STX5: variants seen among roughly 807,000 people sequenced by gnomAD.
STX5 encodes syntaxin 5, also known as syntaxin-5.
A neutral mutation model predicts 42.9 loss-of-function variants in STX5; 15 were observed. That is an observed-to-expected ratio of 0.35 (90% CI 0.23 to 0.54). The LOEUF (loss-of-function observed/expected upper bound fraction) is 0.54, where lower values mean the gene tolerates loss of function less well. Ranked by LOEUF, STX5 falls within the 20% of genes least tolerant of loss-of-function variation. STX5 has a pLI of 0.91. For synonymous variants in STX5, 184 were observed against 173.2 expected (o/e 1.06, Z -0.49); for missense variants, 430 against 455.0 (o/e 0.95, Z 0.50).
chr11:62,808,388 C>T (rs947353661), intron 10 of STX5, among the ~76,000 whole-genome samples: 17 of 150,980 alleles, frequency 1.1e-4, no homozygotes, highest in Non-Finnish European at 2.1e-4. Flanking sequence ...TGAGATTGTG[C>T]CACTGCACTC....
At chr11:62,819,187 C>T (rs1590968747) in intron 10 of STX5, among the ~76,000 whole-genome samples, 1 of 128,156 alleles carries the variant, frequency 7.8e-6, no homozygotes, top group African/African-American at 3.1e-5. Flanking sequence ...TGCCACTGTA[C>T]TCCAGCCTGG....
At chr11:62,818,199 C>A (rs1018043875) in intron 10 of STX5, among the ~76,000 whole-genome samples, 1 of 146,910 alleles carries the variant, frequency 6.8e-6, no homozygotes, top group Non-Finnish European at 1.5e-5. Context: ...GAGCCAAGAT[C>A]GCACCACTGC....
chr11:62,809,696 AAAAAAAAAAG>A, intron 10 of STX5, among the ~76,000 whole-genome samples: 1 of 149,188 alleles, frequency 6.7e-6, no homozygotes, highest in African/African-American at 2.5e-5. Flanking sequence ...AAAAAAAAAA[AAAAAAAAAAG>A]ACATTATGGC....
chr11:62,831,673 G>A (rs1265229148), intron 1 of STX5, among the ~76,000 whole-genome samples: 7 of 152,134 alleles, frequency 4.6e-5, no homozygotes, highest in Admixed American at 1.3e-4. Context: ...TTCGGTGGGC[G>A]GAGGGGGAAA....
intron 5 of STX5, 52 bp from the exon 6 acceptor site, chr11:62,825,591 C>A: frequency 6.6e-7 from 1 of 1,512,364 alleles, no homozygotes; most frequent in South Asian, 1.1e-5. Context: ...AGTCCTTAGT[C>A]AGCATCTCTC....
chr11:62,827,422 T>C (rs1411451517), intron 3 of STX5, 24 bp from the exon 4 acceptor site: 1 of 1,614,184 alleles, frequency 6.2e-7, no homozygotes. Context: ...CTAGTCAGAC[T>C]GTGGGAAAGG....
At position 62,831,986 on chromosome 11, in the gene STX5, C is replaced by G. The variant is rs1405872020; in HGVS notation, c.-52G>C. On this transcript the variant is annotated 5_prime_UTR_variant, in exon 1 of 11. Coordinates refer to ENST00000294179, the MANE Select transcript of STX5 (RefSeq NM_003164.5). The stretch of plus-strand genomic sequence containing the variant: ...CTGCCGCCTGCCGCCGCCGCCACTT[C>G]CAATCTCACCGGCCGTCACTGCCTC... 1 of 465,654 alleles carries G rather than the reference C, an allele frequency of 2.1e-6. No homozygotes were observed. Among genetic ancestry groups the G allele is most frequent in the Admixed American group, 2.3e-5 (1 of 42,788 alleles). 28.8% of individuals were successfully genotyped at this position (465,654 alleles called of 1,614,324 possible). A position where few individuals can be genotyped will look rare whatever the true frequency, so the allele number is the denominator to read the frequency against.
At chr11:62,815,093 C>T (rs2084659079) in intron 10 of STX5, among the ~76,000 whole-genome samples, 1 of 151,312 alleles carries the variant, frequency 6.6e-6, no homozygotes, top group African/African-American at 2.4e-5. Flanking sequence ...CTGAAACCTA[C>T]ACCTCCCAGG....
intron 10 of STX5, among the ~76,000 whole-genome samples, chr11:62,814,963 A>C (rs2084657505): frequency 6.6e-6 from 1 of 151,946 alleles, no homozygotes; most frequent in African/African-American, 2.4e-5. Flanking sequence ...CCCTCACTGG[A>C]TATCACATAT....
At chr11:62,816,596 A>T (rs567140837) in intron 10 of STX5, among the ~76,000 whole-genome samples, 1 of 152,180 alleles carries the variant, frequency 6.6e-6, no homozygotes, top group Non-Finnish European at 1.5e-5. Flanking sequence ...AAAAAACGAA[A>T]AAAGAAAACT....
intron 10 of STX5, among the ~76,000 whole-genome samples, chr11:62,815,358 C>G (rs987896220): frequency 1.3e-5 from 2 of 151,966 alleles, no homozygotes; most frequent in South Asian, 4.2e-4. Context: ...GACAGAGTAT[C>G]GCTCTGTCGT....
intron 10 of STX5, among the ~76,000 whole-genome samples, chr11:62,818,654 C>G (rs770631966): frequency 1.9e-4 from 28 of 149,628 alleles, no homozygotes; most frequent in Non-Finnish European, 3.4e-4. Flanking sequence ...GAGTTTGAGA[C>G]CTGCCTGGGC....
At chr11:62,808,863 T>C (rs1427921782) in intron 10 of STX5, among the ~76,000 whole-genome samples, 2 of 152,182 alleles carry the variant, frequency 1.3e-5, no homozygotes, top group African/African-American at 2.4e-5. Context: ...AGATTTAATT[T>C]AACATTGAAC....
In STX5 at chr11:62,820,186, T is replaced by C. The variant is rs919234538; in HGVS notation, c.908+3980A>G. 1.1e-4 allele frequency among the ~76,000 whole-genome samples: 16 copies of C among 151,178 alleles called. No individual in the cohort carries two copies. In the East Asian group the frequency reaches 1.2e-3, roughly 12 times the overall value. On this transcript the variant is annotated intron_variant, in intron 10 of 10. Transcript: ENST00000294179. ...GAGATCGAGACCATCCTGGCTAACA[T>C]GGTGAAACCCTGTCTCTACTAAAAA...
intron 10 of STX5, among the ~76,000 whole-genome samples, chr11:62,810,471 CAA>C (rs201425491): frequency 3.3e-5 from 5 of 151,858 alleles, no homozygotes; most frequent in Admixed American, 1.3e-4. Context: ...AATATGAAAA[CAA>C]AAAAAGTTAG....
chr11:62,812,363 C>T (rs1218639708), intron 10 of STX5, among the ~76,000 whole-genome samples: 1 of 152,128 alleles, frequency 6.6e-6, no homozygotes, highest in African/African-American at 2.4e-5. Context: ...AGGCATGAGC[C>T]ACTGCGCCTG....
At chr11:62,826,586 T>A (rs1320081861) in intron 5 of STX5, among the ~76,000 whole-genome samples, 1 of 144,160 alleles carries the variant, frequency 6.9e-6, no homozygotes, top group African/African-American at 2.6e-5. Context: ...AATAAATAAA[T>A]AAAATAAAAG....
intron 10 of STX5, among the ~76,000 whole-genome samples, chr11:62,819,007 CAGG>C (rs1177908899): frequency 1.3e-5 from 2 of 151,410 alleles, no homozygotes; most frequent in Non-Finnish European, 2.9e-5. Flanking sequence ...ATCACGAGGT[CAGG>C]AGATCGAGAC....
chr11:62,819,125 G>T (rs1442831079), intron 10 of STX5, among the ~76,000 whole-genome samples: 2 of 145,770 alleles, frequency 1.4e-5, no homozygotes, highest in African/African-American at 5.0e-5. Flanking sequence ...GGAGGCTGAG[G>T]CAGGAGAATG....
Sources: allele counts gnomAD v4.1 joint callset (sites outside exome capture counted in the v4.1 genomes callset), GRCh38; gene constraint gnomAD v4.1.1; transcripts MANE v1.5; gene names NCBI Gene and HGNC (gene_info 2026-07-23, HGNC 2026-07-21).